Variants in PRPF18 observed in about 807,000 individuals in gnomAD.
PRPF18 encodes pre-mRNA processing factor 18, also known as pre-mRNA-splicing factor 18.
In PRPF18, 38 loss-of-function variants were observed where a neutral mutation model predicts 46.5. The ratio of observed to expected loss-of-function variants is 0.82; its 90% CI spans 0.63 to 1.07. The LOEUF (loss-of-function observed/expected upper bound fraction) is 1.07, where lower values mean the gene tolerates loss of function less well. Ranked by LOEUF, PRPF18 falls within the 50% of genes least tolerant of loss-of-function variation. The pLI is 0.00. For synonymous variants in PRPF18, 152 were observed against 146.7 expected, an observed-to-expected ratio of 1.04 and a Z score of -0.26; for missense variants, 263 against 410.0, an observed-to-expected ratio of 0.64 and a Z score of 3.10.
chr10:13,614,140 C>G lies in PRPF18; in HGVS notation c.792+54C>G, dbSNP rs1039824168. On this transcript the variant is annotated intron_variant, in intron 8 of 9. Transcript: ENST00000378572. ...GTTAAGAGTATATCTAGGTTATGTA[C>G]GTAATATAATGTTCATTTGGGATAG... The G allele has an allele frequency of 2.3e-6, 3 of 1,297,040 alleles. No homozygotes were observed. The African/African-American group carries it at 4.5e-5, about 19-fold the overall frequency. The allele number at this position is 1,297,040 out of a possible 1,614,324, so 80.3% of individuals were successfully genotyped here. A position where few individuals can be genotyped will look rare whatever the true frequency, so the allele number is the denominator to read the frequency against.
intron 1 of PRPF18, chr10:13,592,295 T>G: frequency 2.4e-6 from 1 of 417,492 alleles, no homozygotes; most frequent in South Asian, 2.3e-5. Context: ...CTCTTTAGTA[T>G]CCGGCTTCTC....
At chr10:13,641,026 C>T in the PRPF18 span, 1 of 152,260 alleles carries the variant, frequency 6.6e-6, no homozygotes, top group Non-Finnish European at 1.5e-5. Flanking sequence ...CCAAATCTAC[C>T]AGCATCTTGT....
At chr10:13,643,959 C>T in the PRPF18 span, 1 of 152,526 alleles carries the variant, frequency 6.6e-6, no homozygotes, top group Non-Finnish European at 1.5e-5. Context: ...AAACTAGAGT[C>T]CATTTTACAC....
chr10:13,587,234 T>G, intron 1 of PRPF18, 82 bp downstream of exon 1: 1 of 1,429,964 alleles, frequency 7.0e-7, no homozygotes, highest in Non-Finnish European at 9.8e-7. Context: ...GTGACGATAC[T>G]CAGAGGATTC....
chr10:13,650,127 C>A, the PRPF18 span, among the ~76,000 whole-genome samples: 2 of 152,234 alleles, frequency 1.3e-5, no homozygotes, highest in African/African-American at 4.8e-5. Flanking sequence ...ATGGCAAATT[C>A]ACCCACATCT....
the PRPF18 span, chr10:13,654,217 T>C: frequency 1.7e-6 from 1 of 605,240 alleles, no homozygotes; most frequent in Non-Finnish European, 2.9e-6. Context: ...CACAGACAAT[T>C]CACCTCTATA....
downstream of PRPF18, among the ~76,000 whole-genome samples, chr10:13,635,318 C>T (rs2080627500): frequency 6.6e-6 from 1 of 152,102 alleles, no homozygotes; most frequent in Admixed American, 6.5e-5. Flanking sequence ...GGGTTGATTC[C>T]ATGTCTTTGC....
chr10:13,596,396 A>G (rs1186557626), intron 1 of PRPF18, among the ~76,000 whole-genome samples: 2 of 152,194 alleles, frequency 1.3e-5, no homozygotes, highest in African/African-American at 4.8e-5. Flanking sequence ...TGGCAGGCTC[A>G]TCTTTCCATT....
chr10:13,594,629 A>T (rs754793408), intron 1 of PRPF18, among the ~76,000 whole-genome samples: 1 of 152,162 alleles, frequency 6.6e-6, no homozygotes, highest in Non-Finnish European at 1.5e-5. Flanking sequence ...GACATTTTTG[A>T]TTAGATAATA....
the PRPF18 span, chr10:13,655,617 C>T: frequency 6.7e-4 from 101 of 151,590 alleles, 1 homozygote; most frequent in African/African-American, 2.4e-3. Context: ...GTTCTTCCTT[C>T]CTCTTTGCCC....
rs189468670 is a variant in PRPF18, at chr10:13,613,597, C to T, written c.580-144C>T. On this transcript the variant is annotated intron_variant, in intron 6 of 9. Transcript: ENST00000378572. ...TATCATGACCAATAAGCAGAACTAG[C>T]TTATTCTATATTATTTGGTGGCATT... The T allele has an allele frequency of 1.4e-5, 13 of 922,106 alleles. No homozygotes were observed. In the Admixed American group the frequency reaches 4.1e-4, roughly 29 times the overall value. The allele number at this position is 922,106 out of a possible 1,614,324, so 57.1% of individuals were successfully genotyped here.
chr10:13,647,668 T>C, the PRPF18 span: 1 of 152,198 alleles, frequency 6.6e-6, no homozygotes, highest in East Asian at 1.9e-4. Flanking sequence ...ATAACATGCA[T>C]TGTTTTGTGA....
At chr10:13,633,785 A>G (rs748226977), downstream of PRPF18, among the ~76,000 whole-genome samples, 6 of 152,196 alleles carry the variant, frequency 3.9e-5, no homozygotes, top group Non-Finnish European at 7.3e-5. Context: ...TCCCATAGCA[A>G]TCTATGGTAT....
intron 4 of PRPF18, among the ~76,000 whole-genome samples, chr10:13,608,801 TGAGGACAAAGCACAG>T (rs1413452182): frequency 6.6e-6 from 1 of 152,246 alleles, no homozygotes; most frequent in African/African-American, 2.4e-5. Flanking sequence ...CTAGAGGTTT[TGAGGACAAAGCACAG>T]GAGCACAAGG....
chr10:13,609,030 G>A (rs928113805), intron 4 of PRPF18, among the ~76,000 whole-genome samples: 5 of 152,228 alleles, frequency 3.3e-5, no homozygotes, highest in African/African-American at 1.2e-4. Context: ...CAGTGTTTGA[G>A]AAATTATAAG....
At chr10:13,614,207 G>A (rs2080308502) in intron 8 of PRPF18, 121 bp downstream of exon 8, 3 of 772,042 alleles carry the variant, frequency 3.9e-6, no homozygotes, top group Admixed American at 3.5e-5. Context: ...TGTGAGATGA[G>A]TTAGTAGTAA....
chr10:13,620,712 A>C (rs2080409193), intron 9 of PRPF18, among the ~76,000 whole-genome samples: 1 of 152,236 alleles, frequency 6.6e-6, no homozygotes, highest in South Asian at 2.1e-4. Flanking sequence ...TTTATTTAGA[A>C]ATACTGGTGA....
chr10:13,625,502 A>G (rs577666148), intron 9 of PRPF18, among the ~76,000 whole-genome samples: 2 of 152,362 alleles, frequency 1.3e-5, no homozygotes, highest in South Asian at 2.1e-4. Flanking sequence ...AGGTAAGAAA[A>G]TAAGAGTCAA....
At chr10:13,610,226 C>G in intron 5 of PRPF18, 41 bp downstream of exon 5, 1 of 1,586,662 alleles carries the variant, frequency 6.3e-7, no homozygotes, top group Non-Finnish European at 8.6e-7. Flanking sequence ...TGGCACCCTT[C>G]TTTTTCCTCT....
Sources: allele counts gnomAD v4.1 joint callset (sites outside exome capture counted in the v4.1 genomes callset), GRCh38; gene constraint gnomAD v4.1.1; transcripts MANE v1.5; gene names NCBI Gene and HGNC (gene_info 2026-07-23, HGNC 2026-07-21).